The following LYPD6 variants were observed in gnomAD, a reference collection of about 807,000 sequenced individuals.
LYPD6 encodes LY6/PLAUR domain containing 6, also known as ly6/PLAUR domain-containing protein 6.
LYPD6 carries 15 observed loss-of-function variants against 22.7 expected under a neutral mutation model. The observed-to-expected ratio is 0.66, with a 90% CI of 0.44 to 1.02. The LOEUF (loss-of-function observed/expected upper bound fraction) is 1.02, where lower values mean the gene tolerates loss of function less well. Ranked by LOEUF, LYPD6 falls within the 50% of genes least tolerant of loss-of-function variation. The probability of loss-of-function intolerance (pLI) is 0.00; values close to 1 mark genes in which losing one functional copy is unlikely to be tolerated. For missense variants in LYPD6, 189 were observed against 208.4 expected (o/e 0.91, Z 0.57); for synonymous variants, 72 against 77.5 (o/e 0.93, Z 0.37).
At position 149,426,974 on chromosome 2, in the gene LYPD6, A is replaced by G. The variant is rs72863951; in HGVS notation, c.-71-10664A>G. 4.1e-3 allele frequency among the ~76,000 whole-genome samples: 626 copies of G among 152,342 alleles called. 7 individuals are homozygous for G. Among genetic ancestry groups the G allele is most frequent in the South Asian group, 0.02 (96 of 4,822 alleles). On this transcript the variant is annotated intron_variant, in intron 1 of 4. Transcript: ENST00000334166. ...AAACTCAGTTCAAATAGTGCAGAATATCTCCACGGGTGCATAGCAGGCAGC... is the reference window on the plus strand; with the variant it reads ...AAACTCAGTTCAAATAGTGCAGAATGTCTCCACGGGTGCATAGCAGGCAGC...
chr2:149,376,142 C>A (rs868562381), intron 1 of LYPD6, among the ~76,000 whole-genome samples: 12 of 152,070 alleles, frequency 7.9e-5, no homozygotes, highest in African/African-American at 2.9e-4. Context: ...AGTGTCAGCC[C>A]GGGATGTGTG....
chr2:149,374,030 A>C (rs947877910), intron 1 of LYPD6, among the ~76,000 whole-genome samples: 1 of 152,166 alleles, frequency 6.6e-6, no homozygotes, highest in African/African-American at 2.4e-5. Context: ...TAATTGATTC[A>C]TATTGCTTTA....
intron 1 of LYPD6, among the ~76,000 whole-genome samples, chr2:149,407,404 G>C (rs534104223): frequency 1.4e-4 from 21 of 152,072 alleles, no homozygotes; most frequent in African/African-American, 4.3e-4. Context: ...TCACATAGTC[G>C]CATATTTCTT....
chr2:149,469,153 C>T (rs1681276130), intron 4 of LYPD6, among the ~76,000 whole-genome samples: 1 of 152,148 alleles, frequency 6.6e-6, no homozygotes, highest in South Asian at 2.1e-4. Context: ...CGCAATTCAG[C>T]TTTGATAACT....
intron 1 of LYPD6, among the ~76,000 whole-genome samples, chr2:149,423,067 G>C (rs1169452493): frequency 1.3e-5 from 2 of 152,104 alleles, no homozygotes; most frequent in Non-Finnish European, 2.9e-5. Flanking sequence ...TGGATCCTGA[G>C]CTGGGTTGGC....
rs538887878 is a variant in LYPD6 at position 149,392,999 on chromosome 2, C to T, written c.-71-44639C>T. ...CAAGATCGTGCCACTGTGCTCCAGC[C>T]TGGGCGACAGAGCGAGACTCCATCT... On this transcript the variant is annotated intron_variant, in intron 1 of 4. Transcript: ENST00000334166. Among the ~76,000 whole-genome samples, 12 of 152,212 alleles carry T rather than the reference C, an allele frequency of 7.9e-5. No individual in the cohort carries two copies. The South Asian group carries it at 2.5e-3, about 32-fold the overall frequency.
At chr2:149,460,035 A>G (rs1054361275) in intron 3 of LYPD6, among the ~76,000 whole-genome samples, 2 of 152,182 alleles carry the variant, frequency 1.3e-5, no homozygotes, top group African/African-American at 2.4e-5. Context: ...ATAATTTAAT[A>G]CCTAGCGCAA....
intron 1 of LYPD6, among the ~76,000 whole-genome samples, chr2:149,425,726 C>G (rs970335342): frequency 6.6e-6 from 1 of 152,144 alleles, no homozygotes; most frequent in African/African-American, 2.4e-5. Flanking sequence ...AGGAAGAATT[C>G]CTGCCTCAGT....
intron 1 of LYPD6, among the ~76,000 whole-genome samples, chr2:149,380,160 G>T (rs193057432): frequency 3.3e-5 from 5 of 152,166 alleles, no homozygotes; most frequent in Non-Finnish European, 5.9e-5. Flanking sequence ...AATAGCAAGC[G>T]GTGGAATGAT....
At chr2:149,469,306 C>T (rs949585496) in intron 4 of LYPD6, among the ~76,000 whole-genome samples, 4 of 152,172 alleles carry the variant, frequency 2.6e-5, no homozygotes, top group African/African-American at 9.6e-5. Context: ...AGCCTGTATA[C>T]GGAAACACAT....
intron 1 of LYPD6, among the ~76,000 whole-genome samples, chr2:149,382,337 T>C (rs190039213): frequency 1.6e-4 from 25 of 152,272 alleles, no homozygotes; most frequent in Non-Finnish European, 2.8e-4. Flanking sequence ...ATAAGTAATA[T>C]TGGGTTAAAA....
At chr2:149,360,167 A>G (rs1481138752) in intron 1 of LYPD6, among the ~76,000 whole-genome samples, 1 of 152,210 alleles carries the variant, frequency 6.6e-6, no homozygotes, top group African/African-American at 2.4e-5. Context: ...ATGCTAATAC[A>G]TTATAATTAG....
chr2:149,338,708 G>A (rs1043280793), intron 1 of LYPD6, among the ~76,000 whole-genome samples: 11 of 152,122 alleles, frequency 7.2e-5, no homozygotes, highest in African/African-American at 2.4e-4. Context: ...AAATTACCCC[G>A]GCTAAGGCAT....
At chr2:149,362,650 CT>C (rs1386436903) in intron 1 of LYPD6, among the ~76,000 whole-genome samples, 1 of 152,016 alleles carries the variant, frequency 6.6e-6, no homozygotes. Flanking sequence ...TGCTGGGGGC[CT>C]TTTTGCTACA....
chr2:149,467,931 C>A (rs1240168368), intron 3 of LYPD6, among the ~76,000 whole-genome samples: 1 of 151,920 alleles, frequency 6.6e-6, no homozygotes, highest in African/African-American at 2.4e-5. Flanking sequence ...CATAGAGGGA[C>A]CTCTGGAAAC....
chr2:149,451,149 C>A (rs537120085), intron 3 of LYPD6, among the ~76,000 whole-genome samples: 1 of 152,272 alleles, frequency 6.6e-6, no homozygotes, highest in East Asian at 1.9e-4. Flanking sequence ...CCGGCAGGTT[C>A]TAGAAGGGCA....
chr2:149,380,924 C>A (rs188329534), intron 1 of LYPD6, among the ~76,000 whole-genome samples: 166 of 152,216 alleles, frequency 1.1e-3, no homozygotes, highest in African/African-American at 3.8e-3. Flanking sequence ...GGAAAGCCAA[C>A]CCAGAGAAGA....
intron 1 of LYPD6, among the ~76,000 whole-genome samples, chr2:149,365,185 A>G (rs577386989): frequency 2.0e-5 from 3 of 152,336 alleles, no homozygotes; most frequent in South Asian, 4.1e-4. Flanking sequence ...AAGCTCTCCA[A>G]TGTTCAGATA....
chr2:149,426,995 G>T (rs1230761668), intron 1 of LYPD6, among the ~76,000 whole-genome samples: 1 of 152,190 alleles, frequency 6.6e-6, no homozygotes, highest in Non-Finnish European at 1.5e-5. Flanking sequence ...TGCATAGCAG[G>T]CAGCATCTGC....
Sources: gnomAD v4.1 joint callset for allele counts (sites outside exome capture counted in the v4.1 genomes callset) on GRCh38, gnomAD v4.1.1 for gene constraint, MANE v1.5 for transcripts, NCBI Gene and HGNC (gene_info 2026-07-23, HGNC 2026-07-21) for gene names.